The following PLAC9 variants were observed in gnomAD, a reference collection of about 807,000 sequenced individuals.
PLAC9 encodes placenta-specific protein 9.
A neutral mutation model predicts 11.5 loss-of-function variants in PLAC9; 12 were observed. That is an observed-to-expected ratio of 1.05 (90% CI 0.67 to 1.69). The LOEUF (loss-of-function observed/expected upper bound fraction) is 1.69. PLAC9 is among the 40% of genes most tolerant of loss of function. PLAC9 has a pLI of 0.00. For missense variants in PLAC9, 132 were observed against 130.5 expected (o/e 1.01, Z -0.06); for synonymous variants, 62 against 58.1 (o/e 1.07, Z -0.31).
upstream of PLAC9, among the ~76,000 whole-genome samples, chr10:80,132,079 AT>A (rs1403876849): frequency 6.6e-6 from 1 of 152,188 alleles, no homozygotes; most frequent in Non-Finnish European, 1.5e-5. Context: ...CATCTTACTT[AT>A]CCCCTCATTA....
chr10:80,134,414 C>T (rs913947809), intron 1 of PLAC9, among the ~76,000 whole-genome samples: 2 of 152,050 alleles, frequency 1.3e-5, no homozygotes, highest in African/African-American at 4.8e-5. Context: ...CAGGCACGCA[C>T]CACCACACCT....
intron 1 of PLAC9, among the ~76,000 whole-genome samples, chr10:80,140,219 TA>T (rs71034288): frequency 2.4e-4 from 36 of 148,458 alleles, no homozygotes; most frequent in African/African-American, 4.4e-4. Context: ...TCCAATGCTT[TA>T]AAAAAAAAAA....
intron 1 of PLAC9, among the ~76,000 whole-genome samples, chr10:80,138,934 G>A (rs574877296): frequency 6.7e-6 from 1 of 149,226 alleles, no homozygotes; most frequent in African/African-American, 2.5e-5. Context: ...ACCTCTAAAA[G>A]TTAAATTGCA....
intron 2 of PLAC9, among the ~76,000 whole-genome samples, chr10:80,142,858 A>G (rs1845056744): frequency 6.6e-6 from 1 of 152,024 alleles, no homozygotes; most frequent in South Asian, 2.1e-4. Context: ...AGCTGAGACT[A>G]CAGACACATG....
chr10:80,142,121 A>G lies in PLAC9; in HGVS notation c.104A>G (p.Gln35Arg). 6.2e-7 allele frequency: 1 copy of G among 1,611,630 alleles called. No individual in the cohort carries two copies. The highest frequency in any genetic ancestry group is 8.5e-7 in the Non-Finnish European group (1 of 1,178,084). ...AGCCCTCCGCGAGGAGACTCAGCTC[A>G]GAGCACAGCGTGTGACAGACACATG... The part of the protein sequence containing the change: ...PFSPPRGDSA[Q>R]STACDRHMAV... Residue 35 changes from glutamine (Q) to arginine (R), a missense_variant, in exon 2 of 4, where the codon CAG becomes CGG. Transcript: ENST00000372263.
intron 1 of PLAC9, among the ~76,000 whole-genome samples, chr10:80,138,194 T>C (rs1845000866): frequency 6.6e-6 from 1 of 152,108 alleles, no homozygotes; most frequent in African/African-American, 2.4e-5. Flanking sequence ...ATCACCCAGC[T>C]TCAACAATCA....
intron 1 of PLAC9, among the ~76,000 whole-genome samples, chr10:80,135,302 G>T (rs546558721): frequency 5.1e-5 from 7 of 135,934 alleles, no homozygotes; most frequent in Admixed American, 1.6e-4. Context: ...GATTACAGGT[G>T]TGAGCCACTG....
intron 2 of PLAC9, 108 bp from the exon 3 acceptor site, chr10:80,144,114 CT>C (rs1845071882): frequency 6.6e-7 from 1 of 1,513,340 alleles, no homozygotes; most frequent in African/African-American, 1.4e-5. Context: ...GCGCCCAGTC[CT>C]TTCCCACTGC....
chr10:80,144,793 T>C (rs1845082718), intron 3 of PLAC9, 107 bp from the exon 4 acceptor site: 2 of 1,159,840 alleles, frequency 1.7e-6, no homozygotes, highest in Non-Finnish European at 2.4e-6. Flanking sequence ...CCGCGCGCAG[T>C]AGTTCCTGGG....
intron 1 of PLAC9, among the ~76,000 whole-genome samples, chr10:80,139,199 G>C (rs562138548): frequency 6.6e-6 from 1 of 152,100 alleles, no homozygotes; most frequent in South Asian, 2.1e-4. Context: ...TGATCTGCCC[G>C]CCTCGGCCTC....
rs1247222117 is a variant in PLAC9, at chr10:80,144,802, G to A, written c.284-98G>A. Reference sequence around the variant, plus strand: ...TGTGTCCCGCGCGCAGTAGTTCCTGGGGGCCGGGGAGGGAAGGGAAGGAAC... The same window carrying A: ...TGTGTCCCGCGCGCAGTAGTTCCTGAGGGCCGGGGAGGGAAGGGAAGGAAC... On this transcript the variant is annotated intron_variant, in intron 3 of 3. Transcript: ENST00000372263. 7.1e-6 allele frequency: 9 copies of A among 1,276,048 alleles called. No individual in the cohort carries two copies. In the Admixed American group the frequency reaches 1.9e-4, roughly 27 times the overall value. 79.0% of individuals were successfully genotyped at this position (1,276,048 alleles called of 1,614,324 possible).
chr10:80,144,940 G>A lies in PLAC9; in HGVS notation c.*30G>A, dbSNP rs993554989. 1.3e-6 allele frequency: 2 copies of A among 1,568,858 alleles called. No individual in the cohort carries two copies. Among genetic ancestry groups the A allele is most frequent in the Non-Finnish European group, 1.7e-6 (2 of 1,155,834 alleles). ...TGGAGCTGGAGCCCAGCAGTTGGAGGTGGTGCACCTGCCAGGCAGCGCCCA... is the reference window on the plus strand; with the variant it reads ...TGGAGCTGGAGCCCAGCAGTTGGAGATGGTGCACCTGCCAGGCAGCGCCCA... On this transcript the variant is annotated 3_prime_UTR_variant, in exon 4 of 4. Transcript: ENST00000372263.
At chr10:80,132,164 T>G (rs1844919935), upstream of PLAC9, among the ~76,000 whole-genome samples, 1 of 152,194 alleles carries the variant, frequency 6.6e-6, no homozygotes, top group Non-Finnish European at 1.5e-5. Flanking sequence ...TACCTTTTCT[T>G]TTTAAAATTA....
intron 2 of PLAC9, 146 bp downstream of exon 2, chr10:80,142,325 A>T: frequency 1.6e-6 from 1 of 609,730 alleles, no homozygotes; most frequent in Non-Finnish European, 2.8e-6. Flanking sequence ...TCACCCTCCC[A>T]TCTAGGCTGC....
intron 3 of PLAC9, among the ~76,000 whole-genome samples, 156 bp downstream of exon 3, chr10:80,144,499 CT>C (rs1473588714): frequency 6.6e-6 from 1 of 152,052 alleles, no homozygotes; most frequent in East Asian, 1.9e-4. Flanking sequence ...GGCATCATCC[CT>C]GCTCCCCGCC....
intron 1 of PLAC9, among the ~76,000 whole-genome samples, chr10:80,133,801 G>C (rs866817929): frequency 2.0e-5 from 3 of 151,880 alleles, no homozygotes; most frequent in African/African-American, 7.3e-5. Flanking sequence ...AAAATTAATC[G>C]GGCGTGGTGG....
chr10:80,142,251 C>A, intron 2 of PLAC9, 72 bp downstream of exon 2: 3 of 1,290,304 alleles, frequency 2.3e-6, no homozygotes, highest in South Asian at 1.3e-5. Flanking sequence ...TGGGCAGATG[C>A]AAGCTTGCTT....
chr10:80,132,534 G>A (rs1189223093), upstream of PLAC9: 2 of 436,610 alleles, frequency 4.6e-6, no homozygotes, highest in Non-Finnish European at 8.1e-6. Context: ...TCCTCGGGAG[G>A]CGCCCAGGTG....
intron 2 of PLAC9, 68 bp downstream of exon 2, chr10:80,142,247 G>A (rs1342389373): frequency 1.5e-6 from 2 of 1,317,944 alleles, no homozygotes; most frequent in East Asian, 4.9e-5. Flanking sequence ...TTTATGGGCA[G>A]ATGCAAGCTT....
Sources: gnomAD v4.1 joint callset for allele counts (sites outside exome capture counted in the v4.1 genomes callset) on GRCh38, gnomAD v4.1.1 for gene constraint, MANE v1.5 for transcripts, NCBI Gene and HGNC (gene_info 2026-07-23, HGNC 2026-07-21) for gene names.